RAB31: variants seen among roughly 807,000 people sequenced by gnomAD.
RAB31 encodes the protein RAB31, member RAS oncogene family.
A neutral mutation model predicts 25.6 loss-of-function variants in RAB31; 21 were observed. The ratio of observed to expected loss-of-function variants is 0.82; its 90% CI spans 0.58 to 1.18. The LOEUF (loss-of-function observed/expected upper bound fraction) is 1.18. Among genes scored for constraint, RAB31 ranks in the 50% most tolerant of loss-of-function variants. The pLI is 0.00. For missense variants in RAB31, 196 were observed against 250.1 expected (o/e 0.78, Z 1.46); for synonymous variants, 87 against 84.0 (o/e 1.04, Z -0.20).
intron 5 of RAB31, among the ~76,000 whole-genome samples, chr18:9,837,471 C>G (rs974150023): frequency 2.6e-5 from 4 of 151,998 alleles, no homozygotes; most frequent in African/African-American, 7.2e-5. Flanking sequence ...GATGAATAAG[C>G]CTGACTATAT....
Position 9,792,244 on chromosome 18 carries a change from A to T in RAB31, c.201+9A>T, listed in dbSNP as rs756683604. On this transcript the variant is annotated intron_variant, in intron 3 of 6. Coordinates refer to ENST00000578921, the MANE Select transcript of RAB31 (RefSeq NM_006868.4). ...CTGCTGGTCAGGAACGGGTGAGTAT[A>T]TGCTGTTTTTTGGTGAAAACAAGAT... 7 of 1,607,832 alleles carry T rather than the reference A, an allele frequency of 4.4e-6. No individual in the cohort carries two copies. In the South Asian group the frequency reaches 4.5e-5, roughly 10 times the overall value.
chr18:9,856,494 A>T lies in RAB31; in HGVS notation c.491-2734A>T, dbSNP rs183558445. ...ATTTGTGTACTTTCCAAAGCAAAAA[A>T]CTTATGAAAACAAGACATGAGGGAA... On this transcript the variant is annotated intron_variant, in intron 6 of 6. Transcript: ENST00000578921. 2.2e-4 allele frequency: 34 copies of T among 152,358 alleles called. No individual in the cohort carries two copies. In the East Asian group the frequency reaches 6.4e-3, roughly 28 times the overall value. 9.4% of individuals were successfully genotyped at this position (152,358 alleles called of 1,614,324 possible).
chr18:9,773,606 C>T (rs1045214635), intron 1 of RAB31, among the ~76,000 whole-genome samples: 2 of 152,082 alleles, frequency 1.3e-5, no homozygotes, highest in African/African-American at 4.8e-5. Flanking sequence ...GGGGCAACTT[C>T]CTGACTTTAT....
At chr18:9,738,563 C>T (rs1037126069) in intron 1 of RAB31, among the ~76,000 whole-genome samples, 3 of 152,142 alleles carry the variant, frequency 2.0e-5, no homozygotes, top group Non-Finnish European at 4.4e-5. Context: ...TGGAGGGCGG[C>T]GCAGGGGCAC....
At chr18:9,746,647 C>T (rs112722479) in intron 1 of RAB31, among the ~76,000 whole-genome samples, 4,088 of 152,130 alleles carry the variant, frequency 0.027, 74 homozygotes, top group Middle Eastern at 0.078. Context: ...AATAAGAGTA[C>T]GAAGATCAGT....
At chr18:9,783,683 C>T (rs1189151660) in intron 2 of RAB31, among the ~76,000 whole-genome samples, 1 of 152,024 alleles carries the variant, frequency 6.6e-6, no homozygotes, top group Non-Finnish European at 1.5e-5. Context: ...TTAAAATGTA[C>T]TACTACAAAA....
At chr18:9,728,640 C>A (rs986557327) in intron 1 of RAB31, among the ~76,000 whole-genome samples, 1 of 152,116 alleles carries the variant, frequency 6.6e-6, no homozygotes, top group Non-Finnish European at 1.5e-5. Flanking sequence ...CAGGTTCTAG[C>A]GATTCTCATG....
chr18:9,802,189 C>T (rs2068517173), intron 3 of RAB31, among the ~76,000 whole-genome samples: 1 of 152,164 alleles, frequency 6.6e-6, no homozygotes, highest in African/African-American at 2.4e-5. Flanking sequence ...ATTTTAGGAT[C>T]AGCTTGTAAA....
intron 1 of RAB31, among the ~76,000 whole-genome samples, chr18:9,730,640 T>A (rs540887586): frequency 6.6e-6 from 1 of 152,214 alleles, no homozygotes; most frequent in Non-Finnish European, 1.5e-5. Flanking sequence ...GTGGAGAAGC[T>A]GAAATGCTAT....
At chr18:9,848,100 G>C (rs975628556) in intron 6 of RAB31, among the ~76,000 whole-genome samples, 6 of 152,116 alleles carry the variant, frequency 3.9e-5, no homozygotes, top group African/African-American at 1.4e-4. Flanking sequence ...GTTTGTTTCT[G>C]TTTTATTATA....
At chr18:9,826,762 G>A (rs546629583) in intron 5 of RAB31, among the ~76,000 whole-genome samples, 2 of 152,300 alleles carry the variant, frequency 1.3e-5, no homozygotes, top group South Asian at 4.1e-4. Context: ...GCTTGGGTAA[G>A]GGGTTAAGGG....
chr18:9,849,343 T>C (rs1568195917), intron 6 of RAB31, among the ~76,000 whole-genome samples: 1 of 152,334 alleles, frequency 6.6e-6, no homozygotes, highest in Non-Finnish European at 1.5e-5. Context: ...ATAAATGGAA[T>C]GGTGCTGAAT....
chr18:9,838,635 G>C (rs1198373563), intron 5 of RAB31, among the ~76,000 whole-genome samples: 1 of 152,118 alleles, frequency 6.6e-6, no homozygotes, highest in African/African-American at 2.4e-5. Flanking sequence ...AACAAAACAA[G>C]CACCCCTATT....
chr18:9,741,886 G>A (rs1323151051), intron 1 of RAB31, among the ~76,000 whole-genome samples: 1 of 152,204 alleles, frequency 6.6e-6, no homozygotes, highest in Non-Finnish European at 1.5e-5. Flanking sequence ...CCTCATCCAG[G>A]TTTCCTGGTG....
At chr18:9,831,491 G>A (rs2068678290) in intron 5 of RAB31, among the ~76,000 whole-genome samples, 1 of 152,222 alleles carries the variant, frequency 6.6e-6, no homozygotes, top group Non-Finnish European at 1.5e-5. Context: ...TCTTCAAGGA[G>A]CTCGGCCTAG....
intron 5 of RAB31, among the ~76,000 whole-genome samples, chr18:9,844,557 C>T (rs1293458804): frequency 6.6e-6 from 1 of 152,206 alleles, no homozygotes; most frequent in Non-Finnish European, 1.5e-5. Context: ...TAGAGTGCCC[C>T]TGGATGAGCC....
At chr18:9,758,451 C>T (rs545323118) in intron 1 of RAB31, among the ~76,000 whole-genome samples, 1 of 152,118 alleles carries the variant, frequency 6.6e-6, no homozygotes, top group Non-Finnish European at 1.5e-5. Context: ...GTTCTCCTCC[C>T]CCCTCTTCCC....
chr18:9,802,134 T>C lies in RAB31; in HGVS notation c.201+9899T>C, dbSNP rs527581828. ...GTGAGTTCTCCAACTTCGTTCTTTTTCAAGATTGTTTTAGCTATTCTGTGT... is the reference window on the plus strand; with the variant it reads ...GTGAGTTCTCCAACTTCGTTCTTTTCCAAGATTGTTTTAGCTATTCTGTGT... On this transcript the variant is annotated intron_variant, in intron 3 of 6. Transcript: ENST00000578921. Among the ~76,000 whole-genome samples the C allele has an allele frequency of 3.2e-4, 48 of 152,374 alleles. 1 individual carries two copies. The South Asian group carries it at 7.7e-3, about 24-fold the overall frequency.
At chr18:9,770,774 C>T (rs893248173) in intron 1 of RAB31, among the ~76,000 whole-genome samples, 2 of 151,808 alleles carry the variant, frequency 1.3e-5, no homozygotes, top group Admixed American at 1.3e-4. Flanking sequence ...CAGAGCCTGT[C>T]AGGCTATGAG....
Sources: allele counts gnomAD v4.1 joint callset (sites outside exome capture counted in the v4.1 genomes callset), GRCh38; gene constraint gnomAD v4.1.1; transcripts MANE v1.5; gene names NCBI Gene and HGNC (gene_info 2026-07-23, HGNC 2026-07-21).